Variants in SDK1 observed in about 807,000 individuals in gnomAD.
SDK1 encodes the protein sidekick cell adhesion molecule 1.
In SDK1, 157 loss-of-function variants were observed where a neutral mutation model predicts 245.5. The ratio of observed to expected loss-of-function variants is 0.64; its 90% confidence interval spans 0.56 to 0.73. SDK1 has a LOEUF of 0.73. Among genes scored for constraint, SDK1 ranks in the 30% least tolerant of loss-of-function variants. SDK1 has a pLI of 0.00. For synonymous variants in SDK1, 1,647 were observed against 1,278.5 expected (o/e 1.29, Z -6.15); for missense variants, 3,583 against 3,002.3 (o/e 1.19, Z -4.52).
chr7:3,455,003 AT>A (rs982092445), intron 1 of SDK1, among the ~76,000 whole-genome samples: 1 of 151,728 alleles, frequency 6.6e-6, no homozygotes, highest in African/African-American at 2.4e-5. Context: ...TGTTATCCTT[AT>A]TTTTTTATTT....
chr7:3,973,711 AG>A, intron 12 of SDK1, among the ~76,000 whole-genome samples: 1 of 152,108 alleles, frequency 6.6e-6, no homozygotes. Flanking sequence ...CATAGGTGAC[AG>A]GTATGCCCGT....
At chr7:3,375,610 T>TG (rs889174141) in intron 1 of SDK1, among the ~76,000 whole-genome samples, 9 of 152,252 alleles carry the variant, frequency 5.9e-5, no homozygotes, top group African/African-American at 2.2e-4. Flanking sequence ...CATTTGCTCT[T>TG]GGGGGAGCTG....
At chr7:3,940,707 G>A (rs1041729179) in intron 5 of SDK1, among the ~76,000 whole-genome samples, 1 of 152,128 alleles carries the variant, frequency 6.6e-6, no homozygotes, top group Admixed American at 6.5e-5. Flanking sequence ...TGTAATCCCA[G>A]CTACTCCGGA....
intron 1 of SDK1, among the ~76,000 whole-genome samples, chr7:3,436,539 G>A (rs115615040): frequency 0.011 from 1,670 of 152,058 alleles, 30 homozygotes; most frequent in African/African-American, 0.038. Flanking sequence ...AATCAATGAA[G>A]ATTGAAATTT....
intron 2 of SDK1, among the ~76,000 whole-genome samples, chr7:3,634,152 T>C (rs974878665): frequency 6.6e-6 from 1 of 152,164 alleles, no homozygotes; most frequent in South Asian, 2.1e-4. Flanking sequence ...ATGTGGTCTT[T>C]TCAGCCTTTA....
intron 28 of SDK1, among the ~76,000 whole-genome samples, chr7:4,142,960 T>C (rs1045995262): frequency 4.6e-5 from 7 of 152,122 alleles, no homozygotes; most frequent in Non-Finnish European, 7.3e-5. Context: ...ACCTCAGAAT[T>C]AGGGTCATTC....
chr7:3,443,253 T>C (rs1323713234), intron 1 of SDK1, among the ~76,000 whole-genome samples: 1 of 152,176 alleles, frequency 6.6e-6, no homozygotes, highest in Non-Finnish European at 1.5e-5. Flanking sequence ...TTTATTTAGC[T>C]ACAAGAACTA....
At chr7:3,349,520 A>G (rs1307741926) in intron 1 of SDK1, among the ~76,000 whole-genome samples, 1 of 152,186 alleles carries the variant, frequency 6.6e-6, no homozygotes, top group Non-Finnish European at 1.5e-5. Flanking sequence ...CAGCCCTGTG[A>G]GGGCAGAGGA....
chr7:4,012,823 C>T (rs1446805442), intron 16 of SDK1, among the ~76,000 whole-genome samples: 1 of 151,956 alleles, frequency 6.6e-6, no homozygotes, highest in East Asian at 1.9e-4. Flanking sequence ...ACCTGTCCTC[C>T]TCAGCCTCCC....
intron 4 of SDK1, among the ~76,000 whole-genome samples, chr7:3,691,969 C>T (rs1388126031): frequency 6.6e-6 from 1 of 152,108 alleles, no homozygotes; most frequent in East Asian, 1.9e-4. Flanking sequence ...CTGGGTCTTT[C>T]AGTCTGTCCC....
At chr7:3,984,192 G>T (rs1350703478) in intron 13 of SDK1, among the ~76,000 whole-genome samples, 1 of 152,232 alleles carries the variant, frequency 6.6e-6, no homozygotes, top group Non-Finnish European at 1.5e-5. Context: ...TAGCTGAGAG[G>T]GGGCAGAGGG....
chr7:3,303,011 C>G (rs1368250974), intron 1 of SDK1, among the ~76,000 whole-genome samples: 1 of 151,790 alleles, frequency 6.6e-6, no homozygotes, highest in South Asian at 2.1e-4. Context: ...ACAACGAACT[C>G]ATACTTTTTT....
chr7:4,219,810 C>A (rs1562448681), intron 38 of SDK1, among the ~76,000 whole-genome samples: 1 of 149,246 alleles, frequency 6.7e-6, no homozygotes, highest in African/African-American at 2.5e-5. Context: ...CCCCCGCCCC[C>A]GCTCCTCCCT....
chr7:3,881,825 T>C (rs1372978033), intron 5 of SDK1, among the ~76,000 whole-genome samples: 1 of 152,218 alleles, frequency 6.6e-6, no homozygotes, highest in Non-Finnish European at 1.5e-5. Flanking sequence ...TTAGATTTAC[T>C]TTCTCTCAAG....
rs1259608103 is a variant in SDK1, at chr7:3,756,075, TCACA to T, written c.714-65374_714-65371del. Among the ~76,000 whole-genome samples the T allele has an allele frequency of 1.1e-3, 166 of 149,840 alleles. 3 individuals carry two copies. Among genetic ancestry groups the T allele is most frequent in the African/African-American group, 3.9e-3 (159 of 40,498 alleles). On this transcript the variant is annotated intron_variant, in intron 4 of 44. Transcript: ENST00000404826. ...ATCGTGGTTTTAAATCTGACTCCTT[TCACA>T]TGGCATAGCACATGTGACACATGCA... is the stretch of plus-strand genomic sequence containing the variant.
intron 14 of SDK1, among the ~76,000 whole-genome samples, chr7:3,997,014 A>G (rs1225711972): frequency 6.6e-6 from 1 of 152,232 alleles, no homozygotes; most frequent in African/African-American, 2.4e-5. Context: ...ATACAGCCAT[A>G]TAGCCCACAC....
intron 5 of SDK1, among the ~76,000 whole-genome samples, chr7:3,900,023 G>A (rs150644014): frequency 1.4e-4 from 21 of 152,160 alleles, no homozygotes; most frequent in Non-Finnish European, 1.9e-4. Flanking sequence ...AGCTGTAATC[G>A]GATACCAGTG....
At chr7:3,968,854 C>T (rs1454048453) in intron 10 of SDK1, among the ~76,000 whole-genome samples, 1 of 152,188 alleles carries the variant, frequency 6.6e-6, no homozygotes, top group Non-Finnish European at 1.5e-5. Flanking sequence ...TAAACACATA[C>T]CTGAGACTGG....
chr7:3,531,059 T>C (rs1783328346), intron 1 of SDK1, among the ~76,000 whole-genome samples: 1 of 152,188 alleles, frequency 6.6e-6, no homozygotes, highest in African/African-American at 2.4e-5. Context: ...CATATACCAG[T>C]GAAGAAATCA....
Sources: allele counts gnomAD v4.1 joint callset (sites outside exome capture counted in the v4.1 genomes callset), GRCh38; gene constraint gnomAD v4.1.1; transcripts MANE v1.5; gene names NCBI Gene and HGNC (gene_info 2026-07-23, HGNC 2026-07-21).